Variants in LINC00305 observed in about 807,000 individuals in gnomAD.
The protein encoded by LINC00305 is long independently transcribed non-coding RNA 305.
chr18:64,103,441 C>G (rs568376103), intron 1 of LINC00305, among the ~76,000 whole-genome samples: 10 of 152,228 alleles, frequency 6.6e-5, no homozygotes, highest in African/African-American at 2.4e-4. Context: ...CTTCCTTTTG[C>G]GGCACTTCTC....
intron 1 of LINC00305, among the ~76,000 whole-genome samples, chr18:64,141,733 A>G (rs151006425): frequency 1.3e-5 from 2 of 152,342 alleles, no homozygotes; most frequent in African/African-American, 4.8e-5. Flanking sequence ...TCTTCGATTC[A>G]ATTCTGATAA....
At chr18:64,103,576 T>C (rs2051276646) in intron 1 of LINC00305, among the ~76,000 whole-genome samples, 1 of 152,212 alleles carries the variant, frequency 6.6e-6, no homozygotes, top group African/African-American at 2.4e-5. Context: ...TTCTTAAAAA[T>C]GCATGTCTTT....
intron 1 of LINC00305, among the ~76,000 whole-genome samples, chr18:64,137,383 G>A (rs966753664): frequency 1.4e-4 from 22 of 152,198 alleles, no homozygotes; most frequent in African/African-American, 4.3e-4. Context: ...GTGGCACTTT[G>A]TTAGGACAAC....
intron 1 of LINC00305, among the ~76,000 whole-genome samples, chr18:64,137,598 T>A (rs957700102): frequency 6.6e-6 from 1 of 152,192 alleles, no homozygotes; most frequent in African/African-American, 2.4e-5. Flanking sequence ...TTTAAACAAC[T>A]CAAATCCATA....
At chr18:64,129,255 C>G (rs2051398742) in intron 1 of LINC00305, among the ~76,000 whole-genome samples, 1 of 152,060 alleles carries the variant, frequency 6.6e-6, no homozygotes, top group Non-Finnish European at 1.5e-5. Flanking sequence ...CCTAGTTGAA[C>G]AATAAAATTA....
chr18:64,086,857 A>G (rs560362572), intron 3 of LINC00305, among the ~76,000 whole-genome samples: 1 of 152,340 alleles, frequency 6.6e-6, no homozygotes, highest in South Asian at 2.1e-4. Context: ...AGCAGGGATG[A>G]ATAATTTATA....
chr18:64,106,674 CGT>C (rs1680183780), intron 1 of LINC00305, among the ~76,000 whole-genome samples: 1 of 152,254 alleles, frequency 6.6e-6, no homozygotes, highest in South Asian at 2.1e-4. Context: ...TGGCATCCCA[CGT>C]GTGTGTCTCT....
At chr18:64,132,979 A>G (rs1348785290) in intron 1 of LINC00305, among the ~76,000 whole-genome samples, 2 of 152,166 alleles carry the variant, frequency 1.3e-5, no homozygotes, top group African/African-American at 2.4e-5. Context: ...AGAATTAGTG[A>G]TTCCTCCACA....
In LINC00305 at chr18:64,143,493, G is replaced by GTGTA. The variant is rs1555669396; in HGVS notation, n.314+5281_314+5282insTACA. ...TGAAAAGCATTGATGGTGTGTGTGTGTATATATATATGTATACCATCAATA... is the reference window on the plus strand; with the variant it reads ...TGAAAAGCATTGATGGTGTGTGTGTGTGTATATATATATATGTATACCATCAATA... On this transcript the variant is annotated intron_variant and non_coding_transcript_variant, in intron 1 of 3. Transcript: ENST00000666468. 7.2e-5 allele frequency among the ~76,000 whole-genome samples: 10 copies of GTGTA among 139,634 alleles called. 1 individual carries two copies. The highest frequency in any genetic ancestry group is 2.3e-4 in the African/African-American group (8 of 35,186). 91.6% of individuals were successfully genotyped at this position (139,634 alleles called of 152,430 possible).
exon 4 of LINC00305, chr18:64,080,263 T>G (rs1211866463): frequency 2.2e-6 from 1 of 455,734 alleles, no homozygotes; most frequent in East Asian, 7.0e-5. Context: ...TAACTTGTCA[T>G]CTTCTCTGTT....
In LINC00305 at chr18:64,141,052, TAAAA is replaced by T. The variant is rs34175314; in HGVS notation, n.314+7719_314+7722del. Among the ~76,000 whole-genome samples the T allele has an allele frequency of 6.2e-3, 596 of 96,310 alleles. 5 individuals are homozygous for T. The highest frequency in any genetic ancestry group is 0.023 in the African/African-American group (564 of 24,946). 63.2% of individuals were successfully genotyped at this position (96,310 alleles called of 152,430 possible). On this transcript the variant is annotated intron_variant and non_coding_transcript_variant, in intron 1 of 3. Transcript: ENST00000666468. ...TTCTGCCGATAATCAGCCTGAATGATAAAAAAAAAAAAAAAAAAAAAAAAATGAT... is the reference window on the plus strand; with the variant it reads ...TTCTGCCGATAATCAGCCTGAATGATAAAAAAAAAAAAAAAAAAAAATGAT...
chr18:64,131,373 T>G (rs1277805096), intron 1 of LINC00305, among the ~76,000 whole-genome samples: 1 of 152,230 alleles, frequency 6.6e-6, no homozygotes, highest in African/African-American at 2.4e-5. Flanking sequence ...GCTTGGCTTA[T>G]GTGACATCTG....
intron 1 of LINC00305, among the ~76,000 whole-genome samples, chr18:64,145,394 A>G (rs1021037220): frequency 2.2e-4 from 33 of 152,134 alleles, no homozygotes; most frequent in Admixed American, 1.8e-3. Context: ...AAACTTAATA[A>G]TAAATGCTGG....
At chr18:64,129,500 A>G (rs931412119) in intron 1 of LINC00305, among the ~76,000 whole-genome samples, 1 of 152,130 alleles carries the variant, frequency 6.6e-6, no homozygotes, top group Admixed American at 6.6e-5. Context: ...GTTCTACTGA[A>G]CAACTTCCAT....
intron 3 of LINC00305, among the ~76,000 whole-genome samples, chr18:64,093,273 CAGTT>C (rs2051232091): frequency 1.3e-5 from 2 of 152,198 alleles, no homozygotes; most frequent in Admixed American, 1.3e-4. Context: ...ACCTGACAGC[CAGTT>C]AGTTCACTTA....
chr18:64,137,584 C>G (rs1300487402), intron 1 of LINC00305, among the ~76,000 whole-genome samples: 2 of 152,106 alleles, frequency 1.3e-5, no homozygotes, highest in Non-Finnish European at 2.9e-5. Context: ...AGTGTTGCAC[C>G]ACTTTTAAAC....
chr18:64,129,853 G>A lies in LINC00305; in HGVS notation n.314+18922C>T, dbSNP rs577296834. Among the ~76,000 whole-genome samples, 4 of 152,114 alleles carry A rather than the reference G, an allele frequency of 2.6e-5. No individual in the cohort carries two copies. The South Asian group carries it at 8.3e-4, about 32-fold the overall frequency. On this transcript the variant is annotated intron_variant and non_coding_transcript_variant, in intron 1 of 3. Coordinates refer to ENST00000666468, the Ensembl canonical transcript of LINC00305. ...GTAGAATTGGTAAAGGCAGAAAGAG[G>A]TTAAATTCAAAACACTCATTTCGCA...
intron 3 of LINC00305, among the ~76,000 whole-genome samples, chr18:64,091,594 A>C (rs896462423): frequency 6.6e-6 from 1 of 152,200 alleles, no homozygotes; most frequent in African/African-American, 2.4e-5. Flanking sequence ...ACTGAGGTTT[A>C]GAGAGGTCAA....
intron 1 of LINC00305, among the ~76,000 whole-genome samples, chr18:64,120,420 C>T (rs1369606183): frequency 6.6e-6 from 1 of 151,962 alleles, no homozygotes; most frequent in African/African-American, 2.4e-5. Context: ...GTGGTATGCA[C>T]ACAGTGGTGG....
Sources: gnomAD v4.1 joint callset for allele counts (sites outside exome capture counted in the v4.1 genomes callset) on GRCh38, gnomAD v4.1.1 for gene constraint, MANE v1.5 for transcripts, NCBI Gene and HGNC (gene_info 2026-07-23, HGNC 2026-07-21) for gene names.